The following MACROD2 variants were observed in gnomAD, a reference collection of about 807,000 sequenced individuals.
MACROD2 encodes the protein mono-ADP ribosylhydrolase 2.
In MACROD2, 36 loss-of-function variants were observed where a neutral mutation model predicts 70.4. That is an observed-to-expected ratio of 0.51 (90% CI 0.39 to 0.68). MACROD2 has a LOEUF of 0.68. Ranked by LOEUF, MACROD2 falls within the 30% of genes least tolerant of loss-of-function variation. The pLI is 0.00. For missense variants in MACROD2, 496 were observed against 538.4 expected (o/e 0.92, Z 0.78); for synonymous variants, 172 against 178.8 (o/e 0.96, Z 0.30).
chr20:15,518,183 A>T (rs2047596856), intron 8 of MACROD2, among the ~76,000 whole-genome samples: 1 of 152,260 alleles, frequency 6.6e-6, no homozygotes, highest in Non-Finnish European at 1.5e-5. Context: ...AGATGTCTGA[A>T]TCTGACATTT....
intron 3 of MACROD2, among the ~76,000 whole-genome samples, chr20:14,144,979 A>G (rs1224447954): frequency 6.6e-6 from 1 of 152,162 alleles, no homozygotes; most frequent in Non-Finnish European, 1.5e-5. Flanking sequence ...TTTAAAGATA[A>G]TCATGGTTTT....
chr20:14,881,425 C>T (rs2073609802), intron 5 of MACROD2, among the ~76,000 whole-genome samples: 1 of 151,844 alleles, frequency 6.6e-6, no homozygotes, highest in African/African-American at 2.4e-5. Context: ...ACTTGACTTC[C>T]CTGTGCCTCA....
Position 14,755,567 on chromosome 20 carries a change from G to T in MACROD2, c.418+70608G>T, listed in dbSNP as rs543291286. Among the ~76,000 whole-genome samples, 6 of 152,138 alleles carry T rather than the reference G, an allele frequency of 3.9e-5. No individual in the cohort carries two copies. In the South Asian group the frequency reaches 1.0e-3, roughly 26 times the overall value. On this transcript the variant is annotated intron_variant, in intron 5 of 17. Transcript: ENST00000684519. ...TATATAGCCTTATCTACCAAGAAAA[G>T]ATAACTTAATTTTTGAAAGGATTAC...
At chr20:14,871,054 T>G (rs576980407) in intron 5 of MACROD2, among the ~76,000 whole-genome samples, 29 of 152,234 alleles carry the variant, frequency 1.9e-4, no homozygotes, top group Non-Finnish European at 3.4e-4. Flanking sequence ...CTGGTATACT[T>G]GAAAGAGATA....
intron 3 of MACROD2, among the ~76,000 whole-genome samples, chr20:14,229,719 G>A (rs546082173): frequency 2.6e-5 from 4 of 152,158 alleles, no homozygotes; most frequent in Non-Finnish European, 5.9e-5. Flanking sequence ...TTTACCCTGA[G>A]TTGAAGACTG....
chr20:14,940,384 C>G (rs1802669863), intron 5 of MACROD2, among the ~76,000 whole-genome samples: 1 of 152,036 alleles, frequency 6.6e-6, no homozygotes, highest in Non-Finnish European at 1.5e-5. Context: ...ATCTGGATGT[C>G]TTTTATTTCT....
chr20:15,978,350 C>G (rs1370064796), intron 13 of MACROD2, among the ~76,000 whole-genome samples: 3 of 152,194 alleles, frequency 2.0e-5, no homozygotes, highest in Non-Finnish European at 4.4e-5. Context: ...TTACAGCCCT[C>G]CGGGTGGCAT....
At chr20:15,602,113 T>G (rs1262070164) in intron 8 of MACROD2, among the ~76,000 whole-genome samples, 5 of 152,270 alleles carry the variant, frequency 3.3e-5, no homozygotes, top group Admixed American at 6.5e-5. Flanking sequence ...GGATACACTG[T>G]CTAAATCCCT....
intron 7 of MACROD2, among the ~76,000 whole-genome samples, chr20:15,489,207 A>G (rs2047197841): frequency 6.6e-6 from 1 of 152,234 alleles, no homozygotes; most frequent in African/African-American, 2.4e-5. Flanking sequence ...GCTTTGGCAC[A>G]CATAATGTCA....
At chr20:16,004,866 T>C (rs2066766636) in intron 15 of MACROD2, among the ~76,000 whole-genome samples, 3 of 152,228 alleles carry the variant, frequency 2.0e-5, no homozygotes, top group Admixed American at 1.3e-4. Flanking sequence ...GTTATACTTT[T>C]TACAGACAGT....
chr20:14,864,622 G>A (rs902111272), intron 5 of MACROD2, among the ~76,000 whole-genome samples: 10 of 151,934 alleles, frequency 6.6e-5, no homozygotes, highest in East Asian at 1.9e-4. Context: ...TTGAACCGAC[G>A]GACCTTGTCT....
chr20:14,503,160 A>C (rs141096728), intron 4 of MACROD2, among the ~76,000 whole-genome samples: 1 of 152,194 alleles, frequency 6.6e-6, no homozygotes, highest in Non-Finnish European at 1.5e-5. Context: ...AATAGAGTTA[A>C]TGGCCCACCC....
chr20:14,552,827 G>C (rs568709957), intron 4 of MACROD2, among the ~76,000 whole-genome samples: 2 of 152,192 alleles, frequency 1.3e-5, no homozygotes, highest in East Asian at 3.9e-4. Context: ...ATTGTGTATA[G>C]GGCACTTACC....
At chr20:14,079,390 G>T (rs2053959476) in intron 2 of MACROD2, among the ~76,000 whole-genome samples, 1 of 152,192 alleles carries the variant, frequency 6.6e-6, no homozygotes, top group Admixed American at 6.5e-5. Context: ...ATTACATGGG[G>T]CCGAATAAAC....
At chr20:14,834,809 C>T (rs1211832938) in intron 5 of MACROD2, among the ~76,000 whole-genome samples, 1 of 151,694 alleles carries the variant, frequency 6.6e-6, no homozygotes, top group Non-Finnish European at 1.5e-5. Context: ...TAAATTATTC[C>T]TCTCTTTTCA....
At chr20:15,837,818 G>A (rs1256818967) in intron 8 of MACROD2, among the ~76,000 whole-genome samples, 2 of 152,156 alleles carry the variant, frequency 1.3e-5, no homozygotes, top group Non-Finnish European at 1.5e-5. Flanking sequence ...TCCTGTGGTT[G>A]TTGGTCCTAA....
At chr20:14,151,811 CTTTTTTTTTTT>C (rs144065987) in intron 3 of MACROD2, among the ~76,000 whole-genome samples, 29 of 59,216 alleles carry the variant, frequency 4.9e-4, no homozygotes, top group African/African-American at 2.0e-3. Context: ...TGTATTGTAT[CTTTTTTTTTTT>C]TTTTTTTTTT....
intron 6 of MACROD2, among the ~76,000 whole-genome samples, chr20:15,357,024 A>T (rs558507851): frequency 6.6e-6 from 1 of 152,302 alleles, no homozygotes; most frequent in Admixed American, 6.5e-5. Context: ...CCTTTATATG[A>T]ATAGAAAGAA....
At chr20:14,787,671 G>C (rs574052835) in intron 5 of MACROD2, among the ~76,000 whole-genome samples, 30 of 151,980 alleles carry the variant, frequency 2.0e-4, no homozygotes, top group Non-Finnish European at 4.4e-5. Flanking sequence ...TTTTCATGCC[G>C]GGGAAGCCAT....
Sources: gnomAD v4.1 joint callset for allele counts (sites outside exome capture counted in the v4.1 genomes callset) on GRCh38, gnomAD v4.1.1 for gene constraint, MANE v1.5 for transcripts, NCBI Gene and HGNC (gene_info 2026-07-23, HGNC 2026-07-21) for gene names.